The following CHD7 variants were observed in gnomAD, a reference collection of about 807,000 sequenced individuals.
CHD7 encodes chromodomain helicase DNA binding protein 7, also known as ATP-dependent chromatin remodeler CHD7.
In CHD7, 24 loss-of-function variants were observed where a neutral mutation model predicts 307.3. The observed-to-expected ratio is 0.08, with a 90% CI of 0.06 to 0.11. The LOEUF (loss-of-function observed/expected upper bound fraction) is 0.11. CHD7 is among the 10% of genes least tolerant of loss of function. CHD7 has a pLI of 1.00. For synonymous variants in CHD7, 1,363 were observed against 1,349.9 expected, an observed-to-expected ratio of 1.01 and a Z score of -0.21; for missense variants, 3,106 against 3,727.1, an observed-to-expected ratio of 0.83 and a Z score of 4.34.
chr8:60,862,732 C>A, intron 37 of CHD7, 80 bp downstream of exon 37: 1 of 944,166 alleles, frequency 1.1e-6, no homozygotes, highest in Non-Finnish European at 1.7e-6. Context: ...TTCTGTTGGC[C>A]ATTAATTATT....
chr8:60,816,347 A>G (rs186625728), intron 7 of CHD7, 40 bp from the exon 8 acceptor site: 15 of 1,069,980 alleles, frequency 1.4e-5, no homozygotes, highest in Admixed American at 4.6e-5. Context: ...AGGATTAATT[A>G]TATTCTACAT....
At chr8:60,686,984 C>G (rs941593098) in intron 1 of CHD7, among the ~76,000 whole-genome samples, 2 of 152,196 alleles carry the variant, frequency 1.3e-5, no homozygotes, top group Non-Finnish European at 2.9e-5. Flanking sequence ...TCTCACAATA[C>G]TGTCCAGGCT....
chr8:60,703,489 C>G (rs950810485), intron 1 of CHD7, among the ~76,000 whole-genome samples: 18 of 152,282 alleles, frequency 1.2e-4, no homozygotes, highest in African/African-American at 1.7e-4. Flanking sequence ...AAACAGAAGA[C>G]TACTTGTGCT....
intron 1 of CHD7, among the ~76,000 whole-genome samples, chr8:60,699,384 G>A (rs992136674): frequency 1.3e-5 from 2 of 152,146 alleles, no homozygotes; most frequent in Non-Finnish European, 2.9e-5. Flanking sequence ...ATATCTTAAT[G>A]TCACCAACAA....
At chr8:60,715,646 C>G (rs540561672) in intron 1 of CHD7, among the ~76,000 whole-genome samples, 1 of 152,010 alleles carries the variant, frequency 6.6e-6, no homozygotes, top group African/African-American at 2.4e-5. Flanking sequence ...TCCACTTGGC[C>G]AAAGGAGCTT....
chr8:60,848,706 C>T, intron 24 of CHD7, 102 bp downstream of exon 24: 1 of 890,746 alleles, frequency 1.1e-6, no homozygotes, highest in Non-Finnish European at 1.8e-6. Flanking sequence ...CCACTAGTAA[C>T]CCATCTCCTT....
intron 1 of CHD7, among the ~76,000 whole-genome samples, chr8:60,740,234 CT>C (rs1440535837): frequency 6.6e-6 from 1 of 152,246 alleles, no homozygotes; most frequent in African/African-American, 2.4e-5. Flanking sequence ...TCCCTTCCTG[CT>C]TAGGTCCTGC....
chr8:60,832,831 C>T (rs551474567), intron 15 of CHD7, among the ~76,000 whole-genome samples: 2 of 152,262 alleles, frequency 1.3e-5, no homozygotes, highest in East Asian at 3.9e-4. Flanking sequence ...TCCTGTATAG[C>T]ATATTTGTTC....
intron 1 of CHD7, among the ~76,000 whole-genome samples, chr8:60,706,179 AT>A (rs1211630362): frequency 6.6e-6 from 1 of 152,006 alleles, no homozygotes; most frequent in Non-Finnish European, 1.5e-5. Context: ...ATTGGATCTG[AT>A]TGCTGTTGAG....
chr8:60,754,890 C>T (rs2150604460), intron 2 of CHD7, among the ~76,000 whole-genome samples: 1 of 152,298 alleles, frequency 6.6e-6, no homozygotes, highest in Middle Eastern at 3.4e-3. Context: ...AGAGAAAGTT[C>T]AGTAGTACTA....
chr8:60,682,657 A>G (rs1459483742), intron 1 of CHD7, among the ~76,000 whole-genome samples: 1 of 152,236 alleles, frequency 6.6e-6, no homozygotes, highest in African/African-American at 2.4e-5. Context: ...ACTTTCCTTT[A>G]GGGAGTGTAC....
intron 1 of CHD7, among the ~76,000 whole-genome samples, chr8:60,700,891 G>A (rs62524914): frequency 0.019 from 2,890 of 152,314 alleles, 40 homozygotes; most frequent in Non-Finnish European, 0.03. Context: ...GCTTTGGCAG[G>A]TTGTCACTGC....
chr8:60,783,116 G>C (rs1169962920), intron 3 of CHD7, among the ~76,000 whole-genome samples: 1 of 151,750 alleles, frequency 6.6e-6, no homozygotes, highest in African/African-American at 2.4e-5. Flanking sequence ...TCACCTAATG[G>C]TAAAAATGGA....
At chr8:60,690,500 G>C (rs2150487440) in intron 1 of CHD7, among the ~76,000 whole-genome samples, 1 of 152,208 alleles carries the variant, frequency 6.6e-6, no homozygotes, top group South Asian at 2.1e-4. Context: ...ATAAACATCT[G>C]GGCTGGTGTA....
intron 2 of CHD7, among the ~76,000 whole-genome samples, chr8:60,762,410 C>T (rs1458155834): frequency 6.6e-6 from 1 of 152,194 alleles, no homozygotes; most frequent in African/African-American, 2.4e-5. Context: ...TGGAAGGCAG[C>T]ACAGCACAAT....
chr8:60,751,366 G>A (rs371214909), intron 2 of CHD7, among the ~76,000 whole-genome samples: 18 of 151,992 alleles, frequency 1.2e-4, no homozygotes, highest in East Asian at 9.6e-4. Flanking sequence ...TAATCTTTCA[G>A]AACGGCAGTC....
chr8:60,779,436 G>A (rs764153901), intron 2 of CHD7, among the ~76,000 whole-genome samples: 1 of 152,188 alleles, frequency 6.6e-6, no homozygotes, highest in East Asian at 1.9e-4. Context: ...TCTTAGCTCC[G>A]TCACTAACTG....
chr8:60,808,093 T>TA, intron 6 of CHD7, 124 bp from the exon 7 acceptor site: 2 of 710,762 alleles, frequency 2.8e-6, no homozygotes, highest in Non-Finnish European at 2.4e-6. Context: ...GTGCTCATCT[T>TA]ACGTGAAGGT....
chr8:60,747,202 A>G (rs890548127), intron 2 of CHD7, among the ~76,000 whole-genome samples: 7 of 151,322 alleles, frequency 4.6e-5, no homozygotes, highest in African/African-American at 1.7e-4. Context: ...CATACTCCCT[A>G]GTAGTTGGGA....
Sources: allele counts gnomAD v4.1 joint callset (sites outside exome capture counted in the v4.1 genomes callset), GRCh38; gene constraint gnomAD v4.1.1; transcripts MANE v1.5; gene names NCBI Gene and HGNC (gene_info 2026-07-23, HGNC 2026-07-21).